SLIT3: variants seen among roughly 807,000 people sequenced by gnomAD.
SLIT3 encodes slit guidance ligand 3.
SLIT3 carries 68 observed loss-of-function variants against 184.0 expected under a neutral mutation model. The ratio of observed to expected loss-of-function variants is 0.37; its 90% confidence interval spans 0.30 to 0.45. The LOEUF (loss-of-function observed/expected upper bound fraction) is 0.45, where lower values mean the gene tolerates loss of function less well. Ranked by LOEUF, SLIT3 falls within the 20% of genes least tolerant of loss-of-function variation. The pLI, the probability that SLIT3 is intolerant of heterozygous loss-of-function variation, is 1.00. For synonymous variants in SLIT3, 831 were observed against 828.6 expected (o/e 1.00, Z -0.05); for missense variants, 1,707 against 2,026.0 (o/e 0.84, Z 3.02).
rs1767680071 is a variant in SLIT3 at position 169,301,129 on chromosome 5, C to T, written c.-420G>A. 1 of 152,692 alleles carries T rather than the reference C, an allele frequency of 6.5e-6. No homozygotes were observed. The highest frequency in any genetic ancestry group is 1.5e-5 in the Non-Finnish European group (1 of 68,302). 9.5% of individuals were successfully genotyped at this position (152,692 alleles called of 1,614,324 possible). A position where few individuals can be genotyped will look rare whatever the true frequency, so the allele number is the denominator to read the frequency against. On this transcript the variant is annotated 5_prime_UTR_variant, in exon 1 of 36. Transcript: ENST00000519560. ...GGGTGAGCTGGCCGGCGCTCGCTCTCTCCATTCAGTGAGCACGGCAGACAC... is the reference window on the plus strand; with the variant it reads ...GGGTGAGCTGGCCGGCGCTCGCTCTTTCCATTCAGTGAGCACGGCAGACAC...
intron 4 of SLIT3, among the ~76,000 whole-genome samples, chr5:169,138,401 T>C (rs1249946540): frequency 6.6e-6 from 1 of 152,130 alleles, no homozygotes; most frequent in Admixed American, 6.5e-5. Context: ...GCTAGACTTT[T>C]CCTGCAGCCA....
intron 14 of SLIT3, among the ~76,000 whole-genome samples, chr5:168,765,829 T>A (rs985242861): frequency 1.3e-5 from 2 of 152,176 alleles, no homozygotes; most frequent in African/African-American, 4.8e-5. Flanking sequence ...TCATCTGGCA[T>A]CTTGCCTGCT....
At chr5:169,025,863 A>G (rs1202361732) in intron 4 of SLIT3, among the ~76,000 whole-genome samples, 1 of 152,194 alleles carries the variant, frequency 6.6e-6, no homozygotes, top group African/African-American at 2.4e-5. Flanking sequence ...ACTTTGTATT[A>G]TCTGTTACTA....
intron 4 of SLIT3, among the ~76,000 whole-genome samples, chr5:169,106,945 G>A (rs1760234875): frequency 6.6e-6 from 1 of 152,244 alleles, no homozygotes; most frequent in Non-Finnish European, 1.5e-5. Context: ...AAGGTCACCT[G>A]CATCTAGGGA....
chr5:168,969,036 A>T (rs1486322908), intron 4 of SLIT3, among the ~76,000 whole-genome samples: 1 of 152,156 alleles, frequency 6.6e-6, no homozygotes, highest in Non-Finnish European at 1.5e-5. Flanking sequence ...TTCAGAAAAA[A>T]TTCCAGATTA....
At chr5:168,844,894 GC>G in intron 5 of SLIT3, 1 of 379,926 alleles carries the variant, frequency 2.6e-6, no homozygotes. Context: ...TATTAATTGC[GC>G]ATTTTTTTTT....
chr5:168,902,492 A>G (rs1760903574), intron 4 of SLIT3, among the ~76,000 whole-genome samples: 1 of 152,228 alleles, frequency 6.6e-6, no homozygotes, highest in South Asian at 2.1e-4. Flanking sequence ...TACAGCTTAA[A>G]CTGAGAAGTG....
intron 1 of SLIT3, among the ~76,000 whole-genome samples, chr5:169,272,771 G>A (rs1017085936): frequency 6.6e-6 from 1 of 152,222 alleles, no homozygotes; most frequent in Admixed American, 6.5e-5. Context: ...CTGCAGGTGA[G>A]CCAAACATTG....
At chr5:168,888,711 TA>T (rs533153866) in intron 4 of SLIT3, among the ~76,000 whole-genome samples, 2 of 152,020 alleles carry the variant, frequency 1.3e-5, no homozygotes, top group Admixed American at 6.6e-5. Context: ...TCAATAACAT[TA>T]AAAAAAATTC....
intron 4 of SLIT3, among the ~76,000 whole-genome samples, chr5:169,158,289 G>A (rs1762373096): frequency 6.6e-6 from 1 of 152,092 alleles, no homozygotes; most frequent in South Asian, 2.1e-4. Flanking sequence ...TTTCTCATCA[G>A]AAACCATGAA....
At chr5:168,912,550 T>G (rs1341925745) in intron 4 of SLIT3, among the ~76,000 whole-genome samples, 1 of 152,192 alleles carries the variant, frequency 6.6e-6, no homozygotes, top group African/African-American at 2.4e-5. Flanking sequence ...GGAACTAGAC[T>G]ATGTGACTCA....
rs1439562453 is a variant in SLIT3 at position 168,795,526 on chromosome 5, A to G, written c.988T>C (p.Tyr330His). The G allele has an allele frequency of 6.2e-7, 1 of 1,613,634 alleles. No homozygotes were observed. The highest frequency in any genetic ancestry group is 2.2e-5 in the East Asian group (1 of 44,864). Residue 330 changes from tyrosine (Y) to histidine (H), a missense_variant, in exon 10 of 36, where the codon TAC becomes CAC. Around this residue, in one of 3 missense-constraint regions of SLIT3, gnomAD observed 1,307 missense variants for 1,511.6 expected, o/e 0.86. Coordinates refer to ENST00000519560, the MANE Select transcript of SLIT3 (RefSeq NM_003062.4). ...KAIPAGAFTQ[Y>H]KKLKRIDISK... The stretch of plus-strand genomic sequence containing the variant: ...ACTCACATTCGCTTCAGTTTCTTGT[A>G]CTGGGTGAAGGCTCCTGCAGGGATG...
At chr5:168,769,857 C>T (rs1318777361) in intron 14 of SLIT3, among the ~76,000 whole-genome samples, 1 of 152,128 alleles carries the variant, frequency 6.6e-6, no homozygotes, top group East Asian at 1.9e-4. Flanking sequence ...AAAAATAATA[C>T]TCAATACCTT....
intron 16 of SLIT3, among the ~76,000 whole-genome samples, chr5:168,757,417 C>T (rs1445543368): frequency 1.3e-5 from 2 of 152,130 alleles, no homozygotes; most frequent in South Asian, 2.1e-4. Context: ...GTGTGCAACC[C>T]CTATTTTTGT....
chr5:169,095,641 C>A (rs906494848), intron 4 of SLIT3, among the ~76,000 whole-genome samples: 2 of 152,046 alleles, frequency 1.3e-5, no homozygotes, highest in African/African-American at 4.8e-5. Flanking sequence ...CATTTTAAGT[C>A]CCTAGGGGGC....
intron 6 of SLIT3, among the ~76,000 whole-genome samples, chr5:168,842,488 G>GTTTTTTTTTTTTT (rs1294599549): frequency 1.1e-5 from 1 of 87,256 alleles, no homozygotes; most frequent in Non-Finnish European, 2.5e-5. Flanking sequence ...TTTTTTTTTT[G>GTTTTTTTTTTTTT]TATCTGAGTA....
chr5:169,136,327 C>T (rs906631873), intron 4 of SLIT3, among the ~76,000 whole-genome samples: 2 of 152,188 alleles, frequency 1.3e-5, no homozygotes, highest in African/African-American at 4.8e-5. Flanking sequence ...GTGCCTGCTA[C>T]CCTGCCCATT....
At chr5:168,956,924 C>T (rs571166802) in intron 4 of SLIT3, among the ~76,000 whole-genome samples, 9 of 147,498 alleles carry the variant, frequency 6.1e-5, no homozygotes, top group Admixed American at 2.1e-4. Context: ...TTATTAATCT[C>T]AGCCTCCACA....
chr5:169,159,321 G>C (rs2113387600), intron 4 of SLIT3, among the ~76,000 whole-genome samples: 1 of 152,314 alleles, frequency 6.6e-6, no homozygotes, highest in East Asian at 1.9e-4. Context: ...AAATACACAG[G>C]AGGCTGAGGC....
Sources: gnomAD v4.1 joint callset for allele counts (sites outside exome capture counted in the v4.1 genomes callset) on GRCh38, gnomAD v4.1.1 for gene constraint, gnomAD v4.1.1 regional missense constraint, MANE v1.5 for transcripts, NCBI Gene and HGNC (gene_info 2026-07-23, HGNC 2026-07-21) for gene names.